The following NTNG1 variants were observed in gnomAD, a reference collection of about 807,000 sequenced individuals.
The protein encoded by NTNG1 is netrin G1.
Under a neutral mutation model 54.0 loss-of-function variants are expected in NTNG1, and 16 were observed. The observed-to-expected ratio is 0.30, with a 90% confidence interval of 0.20 to 0.45. The LOEUF is 0.45. NTNG1 is among the 20% of genes least tolerant of loss of function. The pLI is 1.00. For synonymous variants in NTNG1, 255 were observed against 263.1 expected, an observed-to-expected ratio of 0.97 and a Z score of 0.30; for missense variants, 530 against 678.7, an observed-to-expected ratio of 0.78 and a Z score of 2.43.
chr1:107,461,523 CTTTTTTTCT>C (rs1677278743), intron 7 of NTNG1, among the ~76,000 whole-genome samples: 1 of 150,476 alleles, frequency 6.6e-6, no homozygotes, highest in South Asian at 2.1e-4. Context: ...TATGGATTCT[CTTTTTTTCT>C]TTTTTTTTTC....
intron 2 of NTNG1, among the ~76,000 whole-genome samples, chr1:107,183,868 A>C (rs1217855538): frequency 6.6e-6 from 1 of 152,118 alleles, no homozygotes; most frequent in Non-Finnish European, 1.5e-5. Flanking sequence ...CCTTTCAACC[A>C]GTTGCCTAAG....
intron 2 of NTNG1, among the ~76,000 whole-genome samples, chr1:107,235,201 G>A (rs181115668): frequency 2.0e-5 from 3 of 152,222 alleles, no homozygotes; most frequent in Admixed American, 2.0e-4. Flanking sequence ...TTTCAGTTCT[G>A]ACACGGAAAG....
chr1:107,304,018 G>GAAAAA (rs113866125), intron 2 of NTNG1, among the ~76,000 whole-genome samples: 3 of 139,998 alleles, frequency 2.1e-5, no homozygotes, highest in African/African-American at 7.7e-5. Context: ...CCTCTTTTCA[G>GAAAAA]AAAAAAAAAA....
intron 3 of NTNG1, among the ~76,000 whole-genome samples, chr1:107,326,102 C>T (rs11185090): frequency 0.31 from 47,195 of 151,752 alleles, 7,465 homozygotes; most frequent in South Asian, 0.38. Flanking sequence ...ATAGTGGGAA[C>T]GCAGAATGGA....
chr1:107,354,468 C>CAAAAAAAAAAAAAAAAAAAAA, intron 3 of NTNG1, among the ~76,000 whole-genome samples: 1 of 66,126 alleles, frequency 1.5e-5, no homozygotes, highest in Non-Finnish European at 2.6e-5. Context: ...GACTCCATCT[C>CAAAAAAAAAAAAAAAAAAAAA]AAAAAAAAAA....
At position 107,155,384 on chromosome 1, in the gene NTNG1, TATC is replaced by T. The variant is rs991414589; in HGVS notation, c.246+6548_246+6550del. Among the ~76,000 whole-genome samples the T allele has an allele frequency of 5.3e-5, 8 of 152,086 alleles. 1 individual carries two copies. The highest frequency in any genetic ancestry group is 3.9e-4 in the Admixed American group (6 of 15,264). On this transcript the variant is annotated intron_variant, in intron 2 of 7. Coordinates refer to ENST00000370068, the MANE Select transcript of NTNG1 (RefSeq NM_001113226.3). Reference sequence around the variant, plus strand: ...TCTAGCTCAAGTTAATTTCAGGTCATATCATTCTCTTGACTTTTTAACTCATGT... The same window carrying T: ...TCTAGCTCAAGTTAATTTCAGGTCATATTCTCTTGACTTTTTAACTCATGT...
intron 2 of NTNG1, among the ~76,000 whole-genome samples, chr1:107,245,351 G>A (rs1184838670): frequency 3.3e-5 from 5 of 152,160 alleles, no homozygotes; most frequent in Non-Finnish European, 1.5e-5. Context: ...GTAAGTGTAA[G>A]TATTTTTCTC....
chr1:107,273,860 TA>T (rs1664308244), intron 2 of NTNG1, among the ~76,000 whole-genome samples: 1 of 152,256 alleles, frequency 6.6e-6, no homozygotes, highest in Admixed American at 6.5e-5. Flanking sequence ...TCAAGCTTAA[TA>T]GTTTCACTTT....
chr1:107,302,086 A>G (rs1164439675), intron 2 of NTNG1, among the ~76,000 whole-genome samples: 1 of 152,162 alleles, frequency 6.6e-6, no homozygotes, highest in African/African-American at 2.4e-5. Flanking sequence ...CTTATTTCCT[A>G]GGACCAACGT....
At chr1:107,184,158 T>A (rs1657271825) in intron 2 of NTNG1, among the ~76,000 whole-genome samples, 2 of 152,088 alleles carry the variant, frequency 1.3e-5, no homozygotes, top group African/African-American at 4.8e-5. Context: ...GTCATCCAAG[T>A]CATGCCTGGT....
At chr1:107,349,184 A>G (rs528607213) in intron 3 of NTNG1, among the ~76,000 whole-genome samples, 1 of 152,248 alleles carries the variant, frequency 6.6e-6, no homozygotes, top group South Asian at 2.1e-4. Flanking sequence ...TTTGCCTGAC[A>G]TTTCATGGAT....
chr1:107,216,033 T>TGGAA (rs1299459136), intron 2 of NTNG1, among the ~76,000 whole-genome samples: 5 of 152,178 alleles, frequency 3.3e-5, no homozygotes, highest in Non-Finnish European at 5.9e-5. Flanking sequence ...TTCCCAGTTC[T>TGGAA]GGAAGCCTTT....
At chr1:107,246,752 C>T (rs1435551089) in intron 2 of NTNG1, among the ~76,000 whole-genome samples, 1 of 152,114 alleles carries the variant, frequency 6.6e-6, no homozygotes, top group African/African-American at 2.4e-5. Context: ...GGAAAACTGA[C>T]TACTTAAAGG....
chr1:107,356,806 C>A (rs993549245), intron 3 of NTNG1, among the ~76,000 whole-genome samples: 92 of 152,016 alleles, frequency 6.1e-4, no homozygotes, highest in African/African-American at 2.2e-3. Context: ...AGTTTGAGAC[C>A]AACCTGGACA....
At chr1:107,180,651 C>G (rs1374676306) in intron 2 of NTNG1, among the ~76,000 whole-genome samples, 1 of 152,118 alleles carries the variant, frequency 6.6e-6, no homozygotes, top group East Asian at 1.9e-4. Flanking sequence ...CACAAAATCT[C>G]TATTCTGAAT....
At chr1:107,376,170 C>T (rs1263346974) in intron 3 of NTNG1, among the ~76,000 whole-genome samples, 1 of 152,074 alleles carries the variant, frequency 6.6e-6, no homozygotes, top group East Asian at 1.9e-4. Flanking sequence ...CCTGTAATCC[C>T]AGCACTTTGG....
intron 5 of NTNG1, among the ~76,000 whole-genome samples, chr1:107,423,143 C>T (rs948210976): frequency 1.3e-5 from 2 of 152,062 alleles, no homozygotes; most frequent in Non-Finnish European, 2.9e-5. Flanking sequence ...CTTCATTGCT[C>T]TTAACTGTCT....
intron 2 of NTNG1, among the ~76,000 whole-genome samples, chr1:107,221,925 T>C (rs1660373488): frequency 6.6e-6 from 1 of 152,138 alleles, no homozygotes. Flanking sequence ...CCAGCCTCAT[T>C]TCCAACCTTT....
chr1:107,325,471 T>G (rs1667901453), intron 3 of NTNG1, among the ~76,000 whole-genome samples: 1 of 152,130 alleles, frequency 6.6e-6, no homozygotes, highest in South Asian at 2.1e-4. Context: ...TGTTATTATA[T>G]CAAAAATATA....
Sources: allele counts gnomAD v4.1 joint callset (sites outside exome capture counted in the v4.1 genomes callset), GRCh38; gene constraint gnomAD v4.1.1; transcripts MANE v1.5; gene names NCBI Gene and HGNC (gene_info 2026-07-23, HGNC 2026-07-21).